FAT2: variants seen among roughly 807,000 people sequenced by gnomAD.
The protein encoded by FAT2 is protocadherin Fat 2.
In FAT2, 150 loss-of-function variants were observed where a neutral mutation model predicts 295.3. That is an observed-to-expected ratio of 0.51 (90% CI 0.44 to 0.58). The LOEUF (loss-of-function observed/expected upper bound fraction) is 0.58. Among genes scored for constraint, FAT2 ranks in the 20% least tolerant of loss-of-function variants. FAT2 has a pLI of 0.00. For synonymous variants in FAT2, 2,026 were observed against 2,150.3 expected (o/e 0.94, Z 1.60); for missense variants, 4,868 against 5,442.7 (o/e 0.89, Z 3.32).
At chr5:151,517,888 A>T in intron 19 of FAT2, 123 bp from the exon 20 acceptor site, 1 of 1,223,340 alleles carries the variant, frequency 8.2e-7, no homozygotes, top group Non-Finnish European at 1.2e-6. Flanking sequence ...TTATACATGA[A>T]GAAACTAGGC....
chr5:151,574,530 T>C (rs1940751377), intron 1 of FAT2, among the ~76,000 whole-genome samples: 1 of 152,248 alleles, frequency 6.6e-6, no homozygotes, highest in South Asian at 2.1e-4. Context: ...TAGTCAAGTC[T>C]TAGCCACTGA....
intron 6 of FAT2, among the ~76,000 whole-genome samples, chr5:151,551,976 G>GGTGTGTGTGTGT (rs56267278): frequency 4.9e-4 from 70 of 143,648 alleles, no homozygotes; most frequent in East Asian, 1.8e-3. Context: ...TAACCCTAAG[G>GGTGTGTGTGTGT]GTGTGTGTGT....
At chr5:151,524,167 A>G (rs1247930777) in intron 18 of FAT2, among the ~76,000 whole-genome samples, 1 of 152,026 alleles carries the variant, frequency 6.6e-6, no homozygotes, top group Non-Finnish European at 1.5e-5. Flanking sequence ...TCCGTCTGAA[A>G]CCCTCCAACC....
chr5:151,530,023 T>G (rs1754418085), intron 14 of FAT2, among the ~76,000 whole-genome samples: 1 of 152,178 alleles, frequency 6.6e-6, no homozygotes. Flanking sequence ...TTTTTATAAT[T>G]CAGTCAGAAA....
intron 16 of FAT2, among the ~76,000 whole-genome samples, 188 bp downstream of exon 16, chr5:151,527,808 C>G (rs1309099130): frequency 1.3e-5 from 2 of 152,182 alleles, no homozygotes; most frequent in African/African-American, 2.4e-5. Context: ...CGGGGTCACT[C>G]AGTCCCTCTC....
At chr5:151,563,898 T>G (rs915916986) in intron 2 of FAT2, among the ~76,000 whole-genome samples, 5 of 152,218 alleles carry the variant, frequency 3.3e-5, no homozygotes, top group African/African-American at 1.2e-4. Context: ...TGTGAGCATA[T>G]TTAGGGTTTT....
rs762183203 is a variant in FAT2, at chr5:151,544,265, G to A, written c.6862C>T (p.Gln2288Ter). 3 of 1,614,234 alleles carry A rather than the reference G, an allele frequency of 1.9e-6. No individual in the cohort carries two copies. Among genetic ancestry groups the A allele is most frequent in the Admixed American group, 1.7e-5 (1 of 60,032 alleles). ...GCCAACAGTTGGATCACAGGGGTCTGAGCAGGCAAGCCTTCTGAGATGGAA... is the reference window on the plus strand; with the variant it reads ...GCCAACAGTTGGATCACAGGGGTCTAAGCAGGCAAGCCTTCTGAGATGGAA... ...TTSISEGLPA[Q>*]TPVIQLLASD... The change falls in exon 10 of 24, where the codon CAG becomes TAG. Residue 2288 changes from glutamine (Q) to a stop codon, truncating the protein, a stop_gained. Transcript: ENST00000261800. LOFTEE classifies it high-confidence loss of function.
chr5:151,534,408 C>T lies in FAT2; in HGVS notation c.9427+1G>A. On this transcript the variant is annotated splice_donor_variant, in intron 13 of 23. Transcript: ENST00000261800. LOFTEE classifies it high-confidence loss of function. ...ATGGCCTCAATCCTTCTCAGACTCA[C>T]CTTGGTCGGGATCCCGGGCAAATAC... The T allele has an allele frequency of 2.5e-6, 4 of 1,604,160 alleles. No homozygotes were observed. Among genetic ancestry groups the T allele is most frequent in the Non-Finnish European group, 3.4e-6 (4 of 1,173,570 alleles).
rs181713234 is a variant in FAT2 at position 151,549,444 on chromosome 5, T to A, written c.4640A>T (p.Asp1547Val). ...GAAGCGGGGTGGGTGGAGGTTTCCA[T>A]CCTCCACATGAATGGTCACCCACAC... ...NFVWVTIHVE[D>V]GNLHPPRFTQ... Residue 1547 changes from aspartate to valine, a missense_variant, in exon 9 of 24, where the codon GAT (aspartate) becomes GTT (valine). Asp to Val is a radical substitution (Grantham distance 152, BLOSUM62 -3). This residue lies in a region of FAT2 where 3,297 missense variants were observed against 3,669.4 expected (regional missense o/e 0.90). Coordinates refer to ENST00000261800, the MANE Select transcript of FAT2 (RefSeq NM_001447.3). The A allele has an allele frequency of 8.7e-5, 141 of 1,614,052 alleles. 1 individual carries two copies. Among genetic ancestry groups the A allele is most frequent in the Middle Eastern group, 8.3e-4 (5 of 6,044 alleles).
rs1217268053 is a variant in FAT2 at position 151,568,440 on chromosome 5, C to T, written c.492G>A (p.Lys164=). ...TGGCAGTCACCTTGCAGATGGGGCT[C>T]TTCAGGGGCATGTCCTCAGAGATGG... is the stretch of plus-strand genomic sequence containing the variant. The part of the protein sequence containing the change: ...RVTISEDMPL[K]SPICKVTATD... Residue 164 remains lysine, a synonymous_variant, in exon 2 of 24, where the codon AAG becomes AAA. Coordinates refer to ENST00000261800, the MANE Select transcript of FAT2 (RefSeq NM_001447.3). 1 of 1,614,186 alleles carries T rather than the reference C, an allele frequency of 6.2e-7. No homozygotes were observed. The highest frequency in any genetic ancestry group is 1.1e-5 in the South Asian group (1 of 91,082).
chr5:151,516,966 G>C (rs746715857), intron 20 of FAT2, among the ~76,000 whole-genome samples: 1 of 152,126 alleles, frequency 6.6e-6, no homozygotes, highest in Non-Finnish European at 1.5e-5. Context: ...AAAATAGCCA[G>C]GCATGGTGGT....
chr5:151,511,947 C>G (rs1761356317), intron 21 of FAT2: 3 of 575,002 alleles, frequency 5.2e-6, no homozygotes, highest in South Asian at 2.1e-5. Context: ...TCCCTCATCC[C>G]CCCAGAAGTA....
rs751181591 is a variant in FAT2, at chr5:151,512,303, G to C, written c.11767C>G (p.Leu3923Val). The C allele has an allele frequency of 6.2e-7, 1 of 1,614,130 alleles. No homozygotes were observed. The highest frequency in any genetic ancestry group is 8.5e-7 in the Non-Finnish European group (1 of 1,180,048). The change falls in exon 21 of 24, where the codon CTA becomes GTA. Residue 3923 changes from leucine to valine, a missense_variant. Leu to Val is a conservative substitution (Grantham distance 32). Coordinates refer to ENST00000261800, the MANE Select transcript of FAT2 (RefSeq NM_001447.3). The surrounding 1 kb of genome is among the most constrained non-coding windows in gnomAD (Gnocchi z 4.1). ...LDAVVVNEEA[L>V]DLLAPGKTVA... Reference sequence around the variant, plus strand: ...GTCTTGCCAGGGGCCAGCAGATCTAGAGCCTCTTCGTTGACCACGACAGCA... The same window carrying C: ...GTCTTGCCAGGGGCCAGCAGATCTACAGCCTCTTCGTTGACCACGACAGCA...
intron 19 of FAT2, 119 bp from the exon 20 acceptor site, chr5:151,517,884 A>C: frequency 3.2e-6 from 4 of 1,247,794 alleles, no homozygotes; most frequent in Non-Finnish European, 4.5e-6. Context: ...TATTTTATAC[A>C]TGAAGAAACT....
At chr5:151,592,197 G>A (rs1759439525), upstream of FAT2, among the ~76,000 whole-genome samples, 1 of 152,204 alleles carries the variant, frequency 6.6e-6, no homozygotes, top group African/African-American at 2.4e-5. Flanking sequence ...GAGAACCAGT[G>A]TTTTAAGGGA....
chr5:151,525,572 A>C (rs940639267), intron 18 of FAT2, among the ~76,000 whole-genome samples, 196 bp downstream of exon 18: 1 of 152,142 alleles, frequency 6.6e-6, no homozygotes, highest in Non-Finnish European at 1.5e-5. Context: ...CAGTTTCCTC[A>C]TCTGTAAAGC....
At position 151,505,671 on chromosome 5, in the gene FAT2, T is replaced by C. The variant is rs2127562166; in HGVS notation, c.12944A>G (p.Glu4315Gly). 1 of 1,613,818 alleles carries C rather than the reference T, an allele frequency of 6.2e-7. No homozygotes were observed. The change falls in exon 24 of 24, where the codon GAG becomes GGG. Residue 4315 changes from glutamate (E) to glycine (G), a missense_variant. Glu to Gly is a moderately conservative substitution (Grantham distance 98). Coordinates refer to ENST00000261800, the MANE Select transcript of FAT2 (RefSeq NM_001447.3). ...GCCCTGGCCTGCAAGAGGTGCCCCCTCCACCTCACAGACAGCATAAGAGGG... is the reference window on the plus strand; with the variant it reads ...GCCCTGGCCTGCAAGAGGTGCCCCCCCCACCTCACAGACAGCATAAGAGGG... ...AGPSYAVCEV[E>G]GAPLAGQGQP... is the part of the protein sequence containing the mutation.
intron 19 of FAT2, among the ~76,000 whole-genome samples, chr5:151,521,032 T>C (rs1436722433): frequency 6.6e-6 from 1 of 152,266 alleles, no homozygotes; most frequent in Non-Finnish European, 1.5e-5. Flanking sequence ...TTAGCCATGA[T>C]GTTAAACCAC....
At chr5:151,587,781 C>T (rs536060582) in intron 1 of FAT2, among the ~76,000 whole-genome samples, 1 of 152,346 alleles carries the variant, frequency 6.6e-6, no homozygotes, top group South Asian at 2.1e-4. Flanking sequence ...CAGGGATTAG[C>T]TTAACCTTTC....
Sources: gnomAD v4.1 joint callset for allele counts (sites outside exome capture counted in the v4.1 genomes callset) on GRCh38, gnomAD v4.1.1 for gene constraint, gnomAD v4.1.1 regional missense constraint, Gnocchi (gnomAD v3.1) non-coding constraint, MANE v1.5 for transcripts, NCBI Gene and HGNC (gene_info 2026-07-23, HGNC 2026-07-21) for gene names.